IL1RAPL1: variants seen among roughly 807,000 people sequenced by gnomAD.
IL1RAPL1 encodes the protein interleukin-1 receptor accessory protein-like 1.
Under a neutral mutation model 48.4 loss-of-function variants are expected in IL1RAPL1, and 3 were observed. That is an observed-to-expected ratio of 0.06 (90% CI 0.03 to 0.16). IL1RAPL1 has a LOEUF of 0.16. IL1RAPL1 is among the 10% of genes least tolerant of loss of function. The pLI is 1.00. For synonymous variants in IL1RAPL1, 185 were observed against 187.7 expected, an observed-to-expected ratio of 0.99 and a Z score of 0.12; for missense variants, 349 against 530.6, an observed-to-expected ratio of 0.66 and a Z score of 3.36.
intron 6 of IL1RAPL1, among the ~76,000 whole-genome samples, chrX:29,778,379 C>T (rs1199179444): frequency 3.6e-5 from 4 of 111,168 alleles, no homozygotes; most frequent in Non-Finnish European, 7.6e-5. Flanking sequence ...ATAGTTGAAA[C>T]TATAAACCTA....
intron 1 of IL1RAPL1, among the ~76,000 whole-genome samples, chrX:28,779,229 T>C (rs1469542507): frequency 9.0e-6 from 1 of 111,145 alleles, no homozygotes; most frequent in Non-Finnish European, 1.9e-5. Context: ...GATGATTCCA[T>C]TGTTTTTAAT....
intron 2 of IL1RAPL1, among the ~76,000 whole-genome samples, chrX:29,158,931 T>TCCCC (rs1176557881): frequency 1.8e-5 from 1 of 55,677 alleles, no homozygotes; most frequent in Non-Finnish European, 3.4e-5. Context: ...TCTCTCTCTC[T>TCCCC]CCCCCCCCCT....
At chrX:28,951,385 T>A (rs1043648214) in intron 2 of IL1RAPL1, among the ~76,000 whole-genome samples, 3 of 97,243 alleles carry the variant, frequency 3.1e-5, no homozygotes, top group Non-Finnish European at 6.1e-5. Context: ...TAACTTCATA[T>A]AAATGTATTG....
intron 5 of IL1RAPL1, among the ~76,000 whole-genome samples, chrX:29,410,743 C>G (rs1239445535): frequency 1.8e-5 from 2 of 111,538 alleles, no homozygotes; most frequent in Non-Finnish European, 3.8e-5. Context: ...ATCTCTGGGT[C>G]TAATTTTTAT....
At chrX:29,673,292 G>T (rs895552537) in intron 6 of IL1RAPL1, among the ~76,000 whole-genome samples, 1 of 111,627 alleles carries the variant, frequency 9.0e-6, no homozygotes, top group Non-Finnish European at 1.9e-5. Flanking sequence ...ATTTGATACC[G>T]AATTCTGAAA....
chrX:28,796,323 G>A (rs1044481805), intron 2 of IL1RAPL1, among the ~76,000 whole-genome samples: 8 of 111,416 alleles, frequency 7.2e-5, no homozygotes, highest in African/African-American at 2.3e-4. Context: ...GTCCCCCAAA[G>A]TCTTCACTCA....
intron 5 of IL1RAPL1, among the ~76,000 whole-genome samples, chrX:29,595,213 C>A (rs1923503444): frequency 8.9e-6 from 1 of 112,059 alleles, no homozygotes; most frequent in African/African-American, 3.2e-5. Flanking sequence ...GTGCAAGTAT[C>A]TTTTTTGTAT....
At chrX:28,833,691 A>C (rs1162702525) in intron 2 of IL1RAPL1, among the ~76,000 whole-genome samples, 1 of 111,869 alleles carries the variant, frequency 8.9e-6, no homozygotes, top group African/African-American at 3.2e-5. Flanking sequence ...CCTTTAGAAA[A>C]TTTCTAAGCT....
At chrX:28,769,500 A>G (rs1209277464) in intron 1 of IL1RAPL1, among the ~76,000 whole-genome samples, 1 of 111,790 alleles carries the variant, frequency 8.9e-6, no homozygotes, top group Non-Finnish European at 1.9e-5. Flanking sequence ...AGAAGTAAAT[A>G]TTATTTAATG....
chrX:29,091,074 G>T (rs1928079225), intron 2 of IL1RAPL1, among the ~76,000 whole-genome samples: 1 of 112,318 alleles, frequency 8.9e-6, no homozygotes, highest in Non-Finnish European at 1.9e-5. Flanking sequence ...AAAAGGAAGA[G>T]ATTATCAGTT....
At chrX:29,212,522 T>C (rs1054155930) in intron 2 of IL1RAPL1, among the ~76,000 whole-genome samples, 2 of 111,290 alleles carry the variant, frequency 1.8e-5, no homozygotes, top group African/African-American at 3.3e-5. Context: ...TTGGCAAGGC[T>C]GGTCTCAAAC....
chrX:29,590,808 G>A (rs1195023821), intron 5 of IL1RAPL1, among the ~76,000 whole-genome samples: 1 of 111,907 alleles, frequency 8.9e-6, no homozygotes, highest in Admixed American at 9.5e-5. Context: ...CGACAGAGTA[G>A]CACTAACCTG....
Position 29,162,946 on chromosome X carries a change from G to A in IL1RAPL1, c.83-119992G>A, listed in dbSNP as rs924902948. 8.2e-5 allele frequency among the ~76,000 whole-genome samples: 9 copies of A among 109,562 alleles called. No individual in the cohort carries two copies. The East Asian group carries it at 1.4e-3, about 18-fold the overall frequency. ...AAATTAGCCAGGCATGGTGGTGGGC[G>A]CCTGTAATCCCAGCTACTCGGGAGG... On this transcript the variant is annotated intron_variant, in intron 2 of 10. Coordinates refer to ENST00000378993, the MANE Select transcript of IL1RAPL1 (RefSeq NM_014271.4).
In IL1RAPL1 at chrX:29,955,933, A is replaced by G; in HGVS notation, c.*113A>G. The G allele has an allele frequency of 1.7e-6, 1 of 605,711 alleles. No individual in the cohort carries two copies. Among genetic ancestry groups the G allele is most frequent in the Non-Finnish European group, 2.8e-6 (1 of 358,268 alleles). The allele number at this position is 605,711 out of a possible 1,213,427, so 49.9% of individuals were successfully genotyped here. On this transcript the variant is annotated 3_prime_UTR_variant, in exon 11 of 11. Transcript: ENST00000378993. ...AAAAAACATGCATTAGAATCTCTAGAACACGAGGAAAAACAGGGTCTTGTA... is the reference window on the plus strand; with the variant it reads ...AAAAAACATGCATTAGAATCTCTAGGACACGAGGAAAAACAGGGTCTTGTA...
intron 3 of IL1RAPL1, among the ~76,000 whole-genome samples, chrX:29,334,358 A>G (rs76486892): frequency 7.3e-4 from 54 of 73,922 alleles, no homozygotes; most frequent in Middle Eastern, 0.011. Flanking sequence ...GGACGGGGCG[A>G]CTGGCCGGGC....
At chrX:28,727,705 T>G (rs1935695994) in intron 1 of IL1RAPL1, among the ~76,000 whole-genome samples, 1 of 108,448 alleles carries the variant, frequency 9.2e-6, no homozygotes, top group Non-Finnish European at 1.9e-5. Flanking sequence ...TTGAAATACA[T>G]CCCATCAATA....
intron 6 of IL1RAPL1, among the ~76,000 whole-genome samples, chrX:29,700,993 T>C (rs1275818366): frequency 8.9e-6 from 1 of 112,151 alleles, no homozygotes; most frequent in Non-Finnish European, 1.9e-5. Context: ...GTGTGCTGAA[T>C]CTACAAACTT....
At chrX:29,485,715 C>T (rs931740753) in intron 5 of IL1RAPL1, among the ~76,000 whole-genome samples, 3 of 111,456 alleles carry the variant, frequency 2.7e-5, no homozygotes, top group African/African-American at 9.8e-5. Flanking sequence ...TTGCAATTTA[C>T]GCTTTTTGAT....
intron 2 of IL1RAPL1, among the ~76,000 whole-genome samples, chrX:28,922,397 C>T (rs1923636155): frequency 9.0e-6 from 1 of 111,560 alleles, no homozygotes; most frequent in African/African-American, 3.3e-5. Flanking sequence ...CTTCAAGATT[C>T]CATCATCGGC....
Sources: gnomAD v4.1 joint callset for allele counts (sites outside exome capture counted in the v4.1 genomes callset) on GRCh38, gnomAD v4.1.1 for gene constraint, MANE v1.5 for transcripts, NCBI Gene and HGNC (gene_info 2026-07-23, HGNC 2026-07-21) for gene names.